The following OGDHL variants were observed in gnomAD, a reference collection of about 807,000 sequenced individuals.
OGDHL encodes oxoglutarate dehydrogenase L.
Under a neutral mutation model 109.6 loss-of-function variants are expected in OGDHL, and 79 were observed. That is an observed-to-expected ratio of 0.72 (90% CI 0.60 to 0.87). OGDHL has a LOEUF of 0.87. Among genes scored for constraint, OGDHL ranks in the 40% least tolerant of loss-of-function variants. The pLI is 0.00. For missense variants in OGDHL, 1,275 were observed against 1,362.2 expected (o/e 0.94, Z 1.01); for synonymous variants, 528 against 537.2 (o/e 0.98, Z 0.24).
In OGDHL at chr10:49,745,840, G is replaced by T; in HGVS notation, c.1434C>A (p.Ala478=). The T allele has an allele frequency of 6.2e-7, 1 of 1,614,108 alleles. No homozygotes were observed. Among genetic ancestry groups the T allele is most frequent in the African/African-American group, 1.3e-5 (1 of 75,020 alleles). ...EAVIYVCSVA[A]EWRNTFNKDV... is the part of the protein sequence containing the mutation. The stretch of plus-strand genomic sequence containing the variant: ...CTTTGTTGAAAGTGTTTCTCCATTC[G>T]GCTGCCACACTGCACACATATATCA... Residue 478 remains alanine (A), a synonymous_variant, in exon 11 of 23, where the codon GCC becomes GCA. Transcript: ENST00000374103.
chr10:49,735,340 C>G lies in OGDHL; in HGVS notation c.2921G>C (p.Arg974Pro). ...RRARPIWYVGRDPAAAPATGN... is the reference protein window; with the variant it reads ...RRARPIWYVGPDPAAAPATGN... ...TGTGGCTGGTGCAGCCGCTGGGTCC[C>G]GGCCAACATACCTGGAGGAGGAGAG... The change falls in exon 23 of 23, where the codon CGG becomes CCG. Residue 974 changes from arginine (R) to proline (P), a missense_variant. Physicochemically the swap from Arg to Pro is moderately radical, Grantham distance 103. Coordinates refer to ENST00000374103, the MANE Select transcript of OGDHL (RefSeq NM_018245.3). 6.2e-7 allele frequency: 1 copy of G among 1,613,094 alleles called. No individual in the cohort carries two copies. Among genetic ancestry groups the G allele is most frequent in the Non-Finnish European group, 8.5e-7 (1 of 1,179,804 alleles).
chr10:49,753,510 CA>C (rs1380711943), intron 3 of OGDHL, among the ~76,000 whole-genome samples: 2 of 152,094 alleles, frequency 1.3e-5, no homozygotes, highest in Non-Finnish European at 2.9e-5. Flanking sequence ...GAAACCATTC[CA>C]ATTGACTAAT....
intron 6 of OGDHL, 43 bp from the exon 7 acceptor site, chr10:49,751,028 A>G: frequency 6.5e-7 from 1 of 1,534,860 alleles, no homozygotes; most frequent in Non-Finnish European, 8.9e-7. Context: ...AAAGGGATGG[A>G]GAGGGAGGGG....
chr10:49,737,539 C>T (rs1329881669), intron 20 of OGDHL, among the ~76,000 whole-genome samples: 1 of 152,198 alleles, frequency 6.6e-6, no homozygotes, highest in African/African-American at 2.4e-5. Flanking sequence ...CCTCGACCAG[C>T]CCTGCTAGGG....
chr10:49,749,963 C>T lies in OGDHL; in HGVS notation c.897-147G>A. The T allele has an allele frequency of 4.5e-6, 3 of 661,874 alleles. No homozygotes were observed. The South Asian group carries it at 5.3e-5, about 12-fold the overall frequency. 41.0% of individuals were successfully genotyped at this position (661,874 alleles called of 1,614,324 possible). On this transcript the variant is annotated intron_variant, in intron 7 of 22. Transcript: ENST00000374103. ...CCACCCAATCACCAGGCACCATCCT[C>T]TCCTGCTGCTGTAATGGCCCGAGGC... is the stretch of plus-strand genomic sequence containing the variant.
At chr10:49,758,689 C>T in intron 1 of OGDHL, 96 bp from the exon 2 acceptor site, 1 of 1,234,982 alleles carries the variant, frequency 8.1e-7, no homozygotes, top group South Asian at 1.3e-5. Context: ...CTTGTCATTC[C>T]CACTGGGCAG....
chr10:49,749,706 G>T lies in OGDHL; in HGVS notation c.987+20C>A. 1 of 1,569,348 alleles carries T rather than the reference G, an allele frequency of 6.4e-7. No homozygotes were observed. The highest frequency in any genetic ancestry group is 1.2e-5 in the South Asian group (1 of 86,108). ...ACACCCAGCTCTCCAAGGGTGCCGGGACCTGGGCATGGCACCCACCTCGTC... is the reference window on the plus strand; with the variant it reads ...ACACCCAGCTCTCCAAGGGTGCCGGTACCTGGGCATGGCACCCACCTCGTC... On this transcript the variant is annotated intron_variant, in intron 8 of 22. Coordinates refer to ENST00000374103, the MANE Select transcript of OGDHL (RefSeq NM_018245.3).
intron 11 of OGDHL, 73 bp downstream of exon 11, chr10:49,745,725 T>C: frequency 6.5e-7 from 1 of 1,539,840 alleles, no homozygotes; most frequent in Admixed American, 1.7e-5. Context: ...CTGAAGATGC[T>C]GATGACATGG....
At chr10:49,748,527 A>T (rs1842355917) in intron 8 of OGDHL, among the ~76,000 whole-genome samples, 1 of 152,170 alleles carries the variant, frequency 6.6e-6, no homozygotes. Context: ...TTTCTTTTTC[A>T]GTTGAAAAAA....
Position 49,752,695 on chromosome 10 carries a change from C to A in OGDHL, c.421G>T (p.Asp141Tyr), listed in dbSNP as rs747374874. Reference sequence around the variant, plus strand: ...GGCACAAAGGAGTCCAGGTCTGCATCCAGAATGCCCAGGGGGTCCAGCTGG... The same window carrying A: ...GGCACAAAGGAGTCCAGGTCTGCATACAGAATGCCCAGGGGGTCCAGCTGG... Reference protein sequence around the residue: ...VAQLDPLGILDADLDSFVPSD... With the variant: ...VAQLDPLGILYADLDSFVPSD... The change falls in exon 4 of 23, where the codon GAT becomes TAT. Residue 141 changes from aspartate to tyrosine, a missense_variant. Coordinates refer to ENST00000374103, the MANE Select transcript of OGDHL (RefSeq NM_018245.3). 6.2e-7 allele frequency: 1 copy of A among 1,614,180 alleles called. No homozygotes were observed. The highest frequency in any genetic ancestry group is 1.1e-5 in the South Asian group (1 of 91,078).
At position 49,745,422 on chromosome 10, in the gene OGDHL, G is replaced by A; in HGVS notation, c.1551C>T (p.Ile517=). 1 of 1,614,148 alleles carries A rather than the reference G, an allele frequency of 6.2e-7. No homozygotes were observed. Among genetic ancestry groups the A allele is most frequent in the Non-Finnish European group, 8.5e-7 (1 of 1,180,036 alleles). The change falls in exon 12 of 23, where the codon ATC becomes ATT. Residue 517 remains isoleucine (I), a synonymous_variant. Coordinates refer to ENST00000374103, the MANE Select transcript of OGDHL (RefSeq NM_018245.3). ...MFTQPLMYKQ[I]HRQVPVLKKY... is the part of the protein sequence containing the mutation. ...TCTTCAGCACAGGCACCTGTCTGTG[G>A]ATCTGCTTGTACATGAGCGGCTGGG...
chr10:49,735,237 C>T lies in OGDHL; in HGVS notation c.3024G>A (p.Lys1008=). ...CAGGTTTTGCCCAGCTCTAAAATGT[C>T]TTGCCCTCAAAGGCCTGGAGATTGA... The part of the protein sequence containing the change: ...TAFNLQAFEG[K]TF Residue 1008 remains lysine, a synonymous_variant, in exon 23 of 23, where the codon AAG becomes AAA. Coordinates refer to ENST00000374103, the MANE Select transcript of OGDHL (RefSeq NM_018245.3). 3 of 1,613,688 alleles carry T rather than the reference C, an allele frequency of 1.9e-6. No homozygotes were observed.
At chr10:49,748,742 CCA>C (rs3223401) in intron 8 of OGDHL, among the ~76,000 whole-genome samples, 2,546 of 133,840 alleles carry the variant, frequency 0.019, 33 homozygotes, top group South Asian at 0.063. Flanking sequence ...AGGTATGGGT[CCA>C]CACACACACA....
intron 6 of OGDHL, 36 bp downstream of exon 6, chr10:49,751,791 G>A: frequency 6.2e-7 from 1 of 1,605,888 alleles, no homozygotes; most frequent in South Asian, 1.1e-5. Flanking sequence ...CCTGGAGCAG[G>A]ACCTCCAGCC....
rs767011875 is a variant in OGDHL, at chr10:49,746,786, C to T, written c.1260G>A (p.Thr420=). 5.0e-6 allele frequency: 8 copies of T among 1,614,036 alleles called. No individual in the cohort carries two copies. The highest frequency in any genetic ancestry group is 5.9e-6 in the Non-Finnish European group (7 of 1,180,036). ...TFHLSDLPSY[T]TNGTVHVVVN... ...CGACGACGTGCACGGTACCATTGGTCGTGTAGGAGGGCAGGTCGCTCAGGT... is the reference window on the plus strand; with the variant it reads ...CGACGACGTGCACGGTACCATTGGTTGTGTAGGAGGGCAGGTCGCTCAGGT... The change falls in exon 10 of 23, where the codon ACG becomes ACA. Residue 420 remains threonine (T), a synonymous_variant. Transcript: ENST00000374103.
chr10:49,739,621 C>CACCA, intron 17 of OGDHL, 40 bp downstream of exon 17: 1 of 1,599,956 alleles, frequency 6.3e-7, no homozygotes, highest in Non-Finnish European at 8.5e-7. Flanking sequence ...CAAGGCCCGC[C>CACCA]AGAACCCACC....
chr10:49,747,205 A>C lies in OGDHL; in HGVS notation c.991T>G (p.Ser331Ala). 6.2e-7 allele frequency: 1 copy of C among 1,613,910 alleles called. No homozygotes were observed. Among genetic ancestry groups the C allele is most frequent in the Non-Finnish European group, 8.5e-7 (1 of 1,179,844 alleles). ...DPKLEAADEG[S>A]GDVKYHLGMY... ...CCCAGGTGGTACTTGACATCCCCGGAGCCCTGAAGGTGGAGATGGGAACAT... is the reference window on the plus strand; with the variant it reads ...CCCAGGTGGTACTTGACATCCCCGGCGCCCTGAAGGTGGAGATGGGAACAT... The change falls in exon 9 of 23, where the codon TCC (serine) becomes GCC (alanine). Residue 331 changes from serine (S) to alanine (A), a missense_variant. By Grantham distance (99) the Ser-to-Ala change is moderately conservative. Transcript: ENST00000374103.
At chr10:49,744,533 C>A in intron 13 of OGDHL, 117 bp downstream of exon 13, 2 of 774,910 alleles carry the variant, frequency 2.6e-6, no homozygotes, top group Non-Finnish European at 4.3e-6. Flanking sequence ...AGTGATAGAG[C>A]CTGCAGCCTC....
chr10:49,752,892 G>C (rs1038921397), intron 3 of OGDHL, 152 bp from the exon 4 acceptor site: 30 of 612,168 alleles, frequency 4.9e-5, no homozygotes, highest in Non-Finnish European at 8.0e-5. Flanking sequence ...TGCTGCCTGC[G>C]AGACCCCAGC....
Sources: allele counts gnomAD v4.1 joint callset (sites outside exome capture counted in the v4.1 genomes callset), GRCh38; gene constraint gnomAD v4.1.1; transcripts MANE v1.5; gene names NCBI Gene and HGNC (gene_info 2026-07-23, HGNC 2026-07-21).